Variants in TENM3 observed in about 807,000 individuals in gnomAD.
TENM3 encodes the protein teneurin-3.
A neutral mutation model predicts 255.1 loss-of-function variants in TENM3; 63 were observed. The ratio of observed to expected loss-of-function variants is 0.25; its 90% CI spans 0.20 to 0.30. The LOEUF is 0.30. Among genes scored for constraint, TENM3 ranks in the 10% least tolerant of loss-of-function variants. The pLI, the probability that TENM3 is intolerant of heterozygous loss-of-function variation, is 1.00. For synonymous variants in TENM3, 1,306 were observed against 1,322.3 expected (o/e 0.99, Z 0.27); for missense variants, 2,929 against 3,461.1 (o/e 0.85, Z 3.86).
the TENM3 span, among the ~76,000 whole-genome samples, chr4:182,045,911 A>G: frequency 6.6e-6 from 1 of 152,082 alleles, no homozygotes; most frequent in Non-Finnish European, 1.5e-5. Flanking sequence ...AACCAGATAT[A>G]TTGGCATGTG....
the TENM3 span, among the ~76,000 whole-genome samples, chr4:181,601,045 TG>T: frequency 1.3e-5 from 2 of 152,032 alleles, no homozygotes; most frequent in African/African-American, 4.8e-5. Context: ...GAGCCCAGAG[TG>T]GGGTCCCATC....
intron 3 of TENM3, among the ~76,000 whole-genome samples, chr4:182,585,818 C>T (rs1247625077): frequency 7.2e-5 from 11 of 152,072 alleles, no homozygotes; most frequent in Non-Finnish European, 1.5e-4. Context: ...GAAATGAAAG[C>T]TCATAAGATC....
chr4:181,642,897 GGTTA>G, the TENM3 span, among the ~76,000 whole-genome samples: 1,983 of 152,202 alleles, frequency 0.013, 38 homozygotes, highest in African/African-American at 0.043. Flanking sequence ...ATGCTGTTTT[GGTTA>G]CTGTAGCCTT....
chr4:181,956,644 T>C, the TENM3 span, among the ~76,000 whole-genome samples: 5 of 152,230 alleles, frequency 3.3e-5, no homozygotes, highest in Non-Finnish European at 7.3e-5. Context: ...AAGATGTTTC[T>C]TTGATTACTT....
intron 13 of TENM3, among the ~76,000 whole-genome samples, chr4:182,717,616 T>C (rs2152685639): frequency 6.6e-6 from 1 of 152,262 alleles, no homozygotes; most frequent in Non-Finnish European, 1.5e-5. Context: ...TACTAGATTC[T>C]TAAATCACAC....
the TENM3 span, among the ~76,000 whole-genome samples, chr4:181,456,220 T>C: frequency 6.6e-6 from 1 of 151,488 alleles, no homozygotes; most frequent in Non-Finnish European, 1.5e-5. Context: ...TATATATATA[T>C]GAAGCTATTA....
intron 1 of TENM3, among the ~76,000 whole-genome samples, chr4:182,231,957 AT>A (rs953559499): frequency 4.6e-5 from 7 of 152,154 alleles, no homozygotes; most frequent in African/African-American, 1.4e-4. Context: ...TGGTTTGCAT[AT>A]TTTTTGTATG....
At chr4:182,074,616 GGAAA>G in the TENM3 span, among the ~76,000 whole-genome samples, 1 of 152,154 alleles carries the variant, frequency 6.6e-6, no homozygotes, top group Non-Finnish European at 1.5e-5. Context: ...AAAGAAAGAT[GGAAA>G]CTACAAGATT....
At chr4:181,812,086 CT>C in the TENM3 span, among the ~76,000 whole-genome samples, 1 of 152,162 alleles carries the variant, frequency 6.6e-6, no homozygotes, top group South Asian at 2.1e-4. Context: ...ATTCTTGCCA[CT>C]AGGAACTAAG....
chr4:181,576,704 A>T, the TENM3 span, among the ~76,000 whole-genome samples: 1 of 151,980 alleles, frequency 6.6e-6, no homozygotes, highest in Admixed American at 6.6e-5. Flanking sequence ...GTTTTAAACT[A>T]TTAAGCGCCT....
the TENM3 span, among the ~76,000 whole-genome samples, chr4:181,526,107 A>G: frequency 6.6e-6 from 1 of 152,194 alleles, no homozygotes; most frequent in Non-Finnish European, 1.5e-5. Flanking sequence ...ACATTGGAGT[A>G]TGGAATGTTT....
the TENM3 span, among the ~76,000 whole-genome samples, chr4:181,672,507 G>A: frequency 1.3e-5 from 2 of 151,300 alleles, no homozygotes; most frequent in Admixed American, 6.6e-5. Context: ...AAAATCCTTG[G>A]AACGGCACTT....
Position 182,680,323 on chromosome 4 carries a change from G to T in TENM3, c.1613G>T (p.Gly538Val). 6.2e-7 allele frequency: 1 copy of T among 1,610,940 alleles called. No homozygotes were observed. The highest frequency in any genetic ancestry group is 8.5e-7 in the Non-Finnish European group (1 of 1,177,808). The change falls in exon 9 of 28, where the codon GGA becomes GTA. Residue 538 changes from glycine (G) to valine (V), a missense_variant. By Grantham distance (109) the Gly-to-Val change is moderately radical (BLOSUM62 -3). Transcript: ENST00000511685. Reference sequence around the variant, plus strand: ...TCTGGAACTTGCCATTGTTTTCCAGGATTTCTGGGTCCGGATTGTTCAAGA... The same window carrying T: ...TCTGGAACTTGCCATTGTTTTCCAGTATTTCTGGGTCCGGATTGTTCAAGA... ...CVSGTCHCFP[G>V]FLGPDCSRAA... is the part of the protein sequence containing the mutation.
the TENM3 span, among the ~76,000 whole-genome samples, chr4:181,862,982 C>A: frequency 3.3e-5 from 5 of 152,128 alleles, no homozygotes; most frequent in African/African-American, 1.2e-4. Context: ...AAAGAATGCT[C>A]ACGTGAATCA....
At position 182,793,864 on chromosome 4, in the gene TENM3, G is replaced by A. The variant is rs761684241; in HGVS notation, c.7192G>A (p.Asp2398Asn). ...TAACAACCCTGCAAGCAAAATCCAT[G>A]ACGTGAAAGATTACATCACAGGTAA... ...RNNNPASKIH[D>N]VKDYITDVNS... The change falls in exon 26 of 28, where the codon GAC becomes AAC. Residue 2398 changes from aspartate to asparagine, a missense_variant. Physicochemically the swap from Asp to Asn is conservative, Grantham distance 23. Coordinates refer to ENST00000511685, the MANE Select transcript of TENM3 (RefSeq NM_001080477.4). The surrounding 1 kb of genome is among the most constrained non-coding windows in gnomAD (Gnocchi z 5.7). 1.2e-6 allele frequency: 2 copies of A among 1,609,242 alleles called. No individual in the cohort carries two copies. The highest frequency in any genetic ancestry group is 1.7e-6 in the Non-Finnish European group (2 of 1,177,010).
the TENM3 span, among the ~76,000 whole-genome samples, chr4:181,642,550 C>T: frequency 2.6e-5 from 4 of 151,664 alleles, no homozygotes; most frequent in Non-Finnish European, 4.4e-5. Context: ...TTGACCATGC[C>T]GATGTCCTGA....
chr4:181,910,072 C>G, the TENM3 span, among the ~76,000 whole-genome samples: 5 of 152,082 alleles, frequency 3.3e-5, no homozygotes, highest in Non-Finnish European at 7.4e-5. Context: ...CAAATGTAGA[C>G]ACATGTGTAA....
chr4:181,625,069 C>T, the TENM3 span, among the ~76,000 whole-genome samples: 3 of 152,162 alleles, frequency 2.0e-5, no homozygotes, highest in Non-Finnish European at 4.4e-5. Context: ...TTTTGTTCAC[C>T]AAATCCAGTA....
intron 3 of TENM3, among the ~76,000 whole-genome samples, chr4:182,591,550 C>CA (rs1249892884): frequency 1.3e-5 from 2 of 152,118 alleles, no homozygotes; most frequent in African/African-American, 4.8e-5. Flanking sequence ...TAACAATGTT[C>CA]AAAACACATT....
Sources: allele counts gnomAD v4.1 joint callset (sites outside exome capture counted in the v4.1 genomes callset), GRCh38; gene constraint gnomAD v4.1.1; non-coding constraint Gnocchi (gnomAD v3.1); transcripts MANE v1.5; gene names NCBI Gene and HGNC (gene_info 2026-07-23, HGNC 2026-07-21).